Variants in RNF214 observed in about 807,000 individuals in gnomAD.
RNF214 encodes ring finger protein 214.
Under a neutral mutation model 75.9 loss-of-function variants are expected in RNF214, and 25 were observed. That is an observed-to-expected ratio of 0.33 (90% CI 0.24 to 0.46). The LOEUF is 0.46. RNF214 is among the 20% of genes least tolerant of loss of function. The probability of loss-of-function intolerance (pLI) is 1.00; values close to 1 mark genes in which losing one functional copy is unlikely to be tolerated. For missense variants in RNF214, 725 were observed against 857.5 expected, an observed-to-expected ratio of 0.85 and a Z score of 1.93; for synonymous variants, 314 against 308.8, an observed-to-expected ratio of 1.02 and a Z score of -0.18.
At chr11:117,260,420 C>T (rs1212122219) in intron 6 of RNF214, among the ~76,000 whole-genome samples, 1 of 152,188 alleles carries the variant, frequency 6.6e-6, no homozygotes. Context: ...GGCACTTTTG[C>T]CAAAAACCAA....
rs200694867 is a variant in RNF214 at position 117,244,658 on chromosome 11, C to CTTTA, written c.819+93_819+96dup. 2.8e-3 allele frequency: 3,148 copies of CTTTA among 1,142,518 alleles called. 35 individuals are homozygous for CTTTA. In the African/African-American group the frequency reaches 0.03, roughly 11 times the overall value. 70.8% of individuals were successfully genotyped at this position (1,142,518 alleles called of 1,614,324 possible). A position where few individuals can be genotyped will look rare whatever the true frequency, so the allele number is the denominator to read the frequency against. ...GATCAAACTTTAATTTTTTAAAAAA[C>CTTTA]TTTATTTATTTATTTATTTATTTTT... On this transcript the variant is annotated intron_variant, in intron 5 of 14. Transcript: ENST00000300650.
Position 117,234,343 on chromosome 11 carries a change from C to A in RNF214, c.71C>A (p.Ala24Asp). Residue 24 changes from alanine (A) to aspartate (D), a missense_variant, in exon 2 of 15, where the codon GCT (alanine) becomes GAT (aspartate). This residue lies in a region of RNF214 where 362 missense variants were observed against 344.5 expected (regional missense o/e 1.05). Coordinates refer to ENST00000300650, the MANE Select transcript of RNF214 (RefSeq NM_207343.4). ...PSPPESSSLC[A>D]SKSDEGLPDG... ...CCTCCGGAATCTTCTAGTTTATGTG[C>A]TTCCAAATCAGACGAAGGTCTCCCA... 6.2e-7 allele frequency: 1 copy of A among 1,614,126 alleles called. No individual in the cohort carries two copies. Among genetic ancestry groups the A allele is most frequent in the Non-Finnish European group, 8.5e-7 (1 of 1,179,952 alleles).
At chr11:117,265,376 A>C (rs952580549) in intron 6 of RNF214, among the ~76,000 whole-genome samples, 1 of 152,126 alleles carries the variant, frequency 6.6e-6, no homozygotes. Context: ...TTAGAGTCAT[A>C]ATTGTAGAAA....
intron 4 of RNF214, among the ~76,000 whole-genome samples, chr11:117,242,885 C>G (rs2033116295): frequency 6.6e-6 from 1 of 152,108 alleles, no homozygotes; most frequent in African/African-American, 2.4e-5. Context: ...TTCAACTTTT[C>G]TTTGGTTAAG....
At chr11:117,258,749 T>C (rs534381) in intron 6 of RNF214, among the ~76,000 whole-genome samples, 2 of 152,282 alleles carry the variant, frequency 1.3e-5, no homozygotes, top group African/African-American at 4.8e-5. Flanking sequence ...AGTTCACTCT[T>C]GTGCCTTCTC....
At chr11:117,235,109 A>G (rs973765083) in intron 2 of RNF214, among the ~76,000 whole-genome samples, 2 of 152,282 alleles carry the variant, frequency 1.3e-5, no homozygotes, top group Non-Finnish European at 2.9e-5. Flanking sequence ...TTAAGGAATA[A>G]TGACAGGTAA....
At chr11:117,281,078 C>CATCCTCCT (rs2034117797) in intron 8 of RNF214, among the ~76,000 whole-genome samples, 1 of 150,430 alleles carries the variant, frequency 6.6e-6, no homozygotes, top group African/African-American at 2.5e-5. Context: ...GAGCACAAGC[C>CATCCTCCT]ATCCTCCTAC....
intron 6 of RNF214, 123 bp downstream of exon 6, chr11:117,247,071 T>A: frequency 2.6e-6 from 2 of 777,006 alleles, no homozygotes; most frequent in Non-Finnish European, 3.8e-6. Flanking sequence ...AGTGTACAAG[T>A]AAAAACTCTC....
intron 4 of RNF214, among the ~76,000 whole-genome samples, chr11:117,240,384 TAA>T (rs372718608): frequency 3.6e-4 from 22 of 61,690 alleles, no homozygotes; most frequent in Admixed American, 8.8e-4. Context: ...CAAAAAAAAT[TAA>T]AAAAAAAAAA....
Position 117,281,900 on chromosome 11 carries a change from T to C in RNF214, c.1342T>C (p.Phe448Leu), listed in dbSNP as rs760278490. 5 of 1,613,224 alleles carry C rather than the reference T, an allele frequency of 3.1e-6. No individual in the cohort carries two copies. Among genetic ancestry groups the C allele is most frequent in the Non-Finnish European group, 4.2e-6 (5 of 1,179,322 alleles). The change falls in exon 11 of 15, where the codon TTC becomes CTC. Residue 448 changes from phenylalanine to leucine, a missense_variant. By Grantham distance (22) the Phe-to-Leu change is conservative. This residue lies in a region of RNF214 where 363 missense variants were observed against 513.0 expected (regional missense o/e 0.71). Coordinates refer to ENST00000300650, the MANE Select transcript of RNF214 (RefSeq NM_207343.4). ...TACCTCTTCTCCTCTGCAGACAGAC[T>C]TCATGCTTCAGGTGTTTCAACCCAG... ...TLPPPPSETD[F>L]MLQVFQPSPS...
At chr11:117,233,888 G>C (rs909675273) in intron 1 of RNF214, among the ~76,000 whole-genome samples, 1 of 152,194 alleles carries the variant, frequency 6.6e-6, no homozygotes, top group African/African-American at 2.4e-5. Context: ...AGATCTGATT[G>C]ATACTAGGCC....
chr11:117,263,335 G>C (rs1170434526), intron 6 of RNF214, among the ~76,000 whole-genome samples: 2 of 149,556 alleles, frequency 1.3e-5, no homozygotes, highest in African/African-American at 2.5e-5. Flanking sequence ...GAGTGCAGTG[G>C]TGCAGTCTCG....
chr11:117,260,436 G>A (rs1049590679), intron 6 of RNF214, among the ~76,000 whole-genome samples: 2 of 152,172 alleles, frequency 1.3e-5, no homozygotes, highest in African/African-American at 2.4e-5. Flanking sequence ...ACCAAATGAC[G>A]GTATGAGTCA....
chr11:117,264,445 G>A (rs887296116), intron 6 of RNF214, among the ~76,000 whole-genome samples: 4 of 152,094 alleles, frequency 2.6e-5, no homozygotes, highest in African/African-American at 9.7e-5. Flanking sequence ...GTATGTCAAA[G>A]GGGTATATTT....
chr11:117,247,871 AC>A (rs1287609871), intron 6 of RNF214, among the ~76,000 whole-genome samples: 24 of 151,370 alleles, frequency 1.6e-4, no homozygotes, highest in African/African-American at 4.6e-4. Context: ...AAAAAAAAAA[AC>A]AAAACAAAAA....
chr11:117,249,551 C>T (rs1366133389), intron 6 of RNF214, among the ~76,000 whole-genome samples: 6 of 152,078 alleles, frequency 3.9e-5, no homozygotes, highest in Admixed American at 6.5e-5. Context: ...TCATAGGAAC[C>T]GGGACACATA....
chr11:117,234,677 A>G (rs2134349151), intron 2 of RNF214, among the ~76,000 whole-genome samples: 1 of 152,372 alleles, frequency 6.6e-6, no homozygotes, highest in East Asian at 1.9e-4. Context: ...CCATATGTTT[A>G]TATGTTATAT....
intron 4 of RNF214, 75 bp from the exon 5 acceptor site, chr11:117,244,370 G>T: frequency 4.8e-6 from 6 of 1,257,580 alleles, no homozygotes; most frequent in East Asian, 2.4e-5. Context: ...TCTATACAAT[G>T]CCTTGGACAG....
chr11:117,244,594 C>T lies in RNF214; in HGVS notation c.819+9C>T. 1 of 1,591,490 alleles carries T rather than the reference C, an allele frequency of 6.3e-7. No individual in the cohort carries two copies. Among genetic ancestry groups the T allele is most frequent in the Non-Finnish European group, 8.5e-7 (1 of 1,170,452 alleles). ...AAATGAAGAATCACCAGGTATTTTG[C>T]TTATATTGAAATTGTCAATGAGTTA... On this transcript the variant is annotated intron_variant, in intron 5 of 14. Transcript: ENST00000300650.
Sources: allele counts gnomAD v4.1 joint callset (sites outside exome capture counted in the v4.1 genomes callset), GRCh38; gene constraint gnomAD v4.1.1; regional missense constraint gnomAD v4.1.1; transcripts MANE v1.5; gene names NCBI Gene and HGNC (gene_info 2026-07-23, HGNC 2026-07-21).